ALG13: variants seen among roughly 807,000 people sequenced by gnomAD.
ALG13 encodes UDP-N-acetylglucosamine transferase subunit ALG13.
Under a neutral mutation model 87.8 loss-of-function variants are expected in ALG13, and 11 were observed. The ratio of observed to expected loss-of-function variants is 0.13; its 90% CI spans 0.08 to 0.21. The LOEUF (loss-of-function observed/expected upper bound fraction) is 0.21, where lower values mean the gene tolerates loss of function less well. ALG13 is among the 10% of genes least tolerant of loss of function. ALG13 has a pLI of 1.00. For synonymous variants in ALG13, 320 were observed against 306.3 expected (o/e 1.04, Z -0.47); for missense variants, 756 against 866.1 (o/e 0.87, Z 1.60).
rs772174731 is a variant in ALG13 at position 111,753,046 on chromosome X, A to G, written c.2973+216A>G. 525 of 344,555 alleles carry G rather than the reference A, an allele frequency of 1.5e-3. 1 individual carries two copies. The highest frequency in any genetic ancestry group is 2.2e-3 in the Non-Finnish European group (446 of 199,768). 28.4% of individuals were successfully genotyped at this position (344,555 alleles called of 1,213,427 possible). A position where few individuals can be genotyped will look rare whatever the true frequency, so the allele number is the denominator to read the frequency against. ...ATAAAATAGTCGTTAAACTGAAGAG[A>G]GGGGTACTGGGCTGTAAGCAGCACA... On this transcript the variant is annotated intron_variant, in intron 25 of 26. Transcript: ENST00000394780.
chrX:111,759,586 G>T, intron 26 of ALG13, 148 bp from the exon 27 acceptor site: 2 of 451,493 alleles, frequency 4.4e-6, no homozygotes, highest in Non-Finnish European at 7.3e-6. Flanking sequence ...CTCATTATTT[G>T]TATTTAAAGT....
At chrX:111,698,869 A>G (rs749440568) in intron 3 of ALG13, among the ~76,000 whole-genome samples, 3 of 111,545 alleles carry the variant, frequency 2.7e-5, no homozygotes, top group Non-Finnish European at 3.8e-5. Context: ...TCCTTTGGAT[A>G]TATACCCAGA....
At chrX:111,751,087 T>G (rs993473898) in intron 24 of ALG13, among the ~76,000 whole-genome samples, 4 of 92,259 alleles carry the variant, frequency 4.3e-5, no homozygotes, top group Non-Finnish European at 8.0e-5. Flanking sequence ...TTTTTTTTTT[T>G]GCAACGGAGT....
intron 3 of ALG13, 144 bp downstream of exon 3, chrX:111,685,247 C>A: frequency 1.5e-6 from 1 of 649,448 alleles, no homozygotes; most frequent in Non-Finnish European, 2.3e-6. Flanking sequence ...GCTGTAAAAT[C>A]CTCCCATTTG....
Position 111,727,379 on chromosome X carries a change from T to G in ALG13, c.2024T>G (p.Val675Gly), listed in dbSNP as rs2148225523. The G allele has an allele frequency of 8.3e-7, 1 of 1,210,669 alleles. No individual in the cohort carries two copies. Among genetic ancestry groups the G allele is most frequent in the Non-Finnish European group, 1.1e-6 (1 of 894,897 alleles). The change falls in exon 17 of 27, where the codon GTT becomes GGT. Residue 675 changes from valine to glycine, a missense_variant. Val to Gly is a moderately radical substitution (Grantham distance 109, BLOSUM62 -3). Coordinates refer to ENST00000394780, the MANE Select transcript of ALG13 (RefSeq NM_001099922.3). ...INRHNMPGPKVDFYPGPGKRC... is the reference protein window; with the variant it reads ...INRHNMPGPKGDFYPGPGKRC... ...AGGCACAACATGCCGGGCCCTAAAGTTGATTTTTACCCAGGCCCAGGTAAA... is the reference window on the plus strand; with the variant it reads ...AGGCACAACATGCCGGGCCCTAAAGGTGATTTTTACCCAGGCCCAGGTAAA...
intron 25 of ALG13, among the ~76,000 whole-genome samples, chrX:111,755,733 G>C (rs998178038): frequency 3.6e-5 from 4 of 112,576 alleles, no homozygotes; most frequent in Middle Eastern, 9.2e-3. Context: ...TCTCATGCCA[G>C]TTAGAATGGC....
chrX:111,756,620 A>G (rs1179296214), intron 25 of ALG13, among the ~76,000 whole-genome samples: 1 of 111,281 alleles, frequency 9.0e-6, no homozygotes, highest in Non-Finnish European at 1.9e-5. Flanking sequence ...ACTTGACTTA[A>G]AATGTAACAA....
Position 111,725,079 on chromosome X carries a change from T to G in ALG13, c.1729+18T>G. On this transcript the variant is annotated intron_variant, in intron 15 of 26. Transcript: ENST00000394780. The stretch of plus-strand genomic sequence containing the variant: ...GGAAATAGGTTTGTATGCTAAAGGT[T>G]GTTATTTTGTTTTTCCCTTCCTGTA... The G allele has an allele frequency of 8.3e-7, 1 of 1,206,323 alleles. No individual in the cohort carries two copies. Among genetic ancestry groups the G allele is most frequent in the Non-Finnish European group, 1.1e-6 (1 of 893,003 alleles).
rs1556509952 is a variant in ALG13 at position 111,728,315 on chromosome X, T to G, written c.2368+10T>G. On this transcript the variant is annotated intron_variant, in intron 19 of 26. Transcript: ENST00000394780. ...GGCCAGAGTGAAAATGGTGAGTCAA[T>G]TACAGTTAAATATTTTTTAAAAGAT... 8.3e-7 allele frequency: 1 copy of G among 1,208,135 alleles called. No individual in the cohort carries two copies. The highest frequency in any genetic ancestry group is 2.2e-5 in the Admixed American group (1 of 45,617).
intron 8 of ALG13, among the ~76,000 whole-genome samples, chrX:111,714,740 A>G (rs1474568169): frequency 2.7e-5 from 3 of 111,692 alleles, no homozygotes; most frequent in Non-Finnish European, 5.6e-5. Context: ...CTTATCACAT[A>G]TCTATTCCTC....
intron 8 of ALG13, among the ~76,000 whole-genome samples, chrX:111,714,759 C>G (rs1940319429): frequency 9.0e-6 from 1 of 111,519 alleles, no homozygotes; most frequent in African/African-American, 3.3e-5. Context: ...TCGATCCATT[C>G]ATCTGTCCAT....
intron 3 of ALG13, among the ~76,000 whole-genome samples, chrX:111,705,374 A>G (rs1938550692): frequency 2.7e-5 from 3 of 111,364 alleles, no homozygotes; most frequent in African/African-American, 9.8e-5. Flanking sequence ...TTTTGGTACA[A>G]AGTTTTTCTG....
At chrX:111,686,497 T>C (rs1934964409) in intron 3 of ALG13, among the ~76,000 whole-genome samples, 1 of 111,731 alleles carries the variant, frequency 9.0e-6, no homozygotes. Flanking sequence ...TGTTCTTAAC[T>C]GAGAGGAGGC....
chrX:111,754,676 T>C (rs1255634280), intron 25 of ALG13, among the ~76,000 whole-genome samples: 1 of 111,500 alleles, frequency 9.0e-6, no homozygotes, highest in Non-Finnish European at 1.9e-5. Flanking sequence ...CATTCACAAT[T>C]GCTACAAAGA....
chrX:111,712,735 A>G (rs1178604883), intron 7 of ALG13, among the ~76,000 whole-genome samples: 1 of 112,103 alleles, frequency 8.9e-6, no homozygotes, highest in African/African-American at 3.2e-5. Flanking sequence ...ATTATATAAA[A>G]TTCAGATTTC....
At chrX:111,712,091 T>C (rs1360656307) in intron 6 of ALG13, among the ~76,000 whole-genome samples, 3 of 112,359 alleles carry the variant, frequency 2.7e-5, no homozygotes, top group South Asian at 3.7e-4. Context: ...CTTCCTCTTA[T>C]GTGGGAGTAA....
intron 3 of ALG13, among the ~76,000 whole-genome samples, chrX:111,693,498 G>T (rs1936505893): frequency 9.2e-6 from 1 of 109,239 alleles, no homozygotes; most frequent in Admixed American, 9.8e-5. Context: ...CACCCACCTC[G>T]GCCTCCTAAA....
At chrX:111,743,092 A>AT in intron 23 of ALG13, among the ~76,000 whole-genome samples, 1 of 111,863 alleles carries the variant, frequency 8.9e-6, no homozygotes, top group Non-Finnish European at 1.9e-5. Context: ...TCTACTCTTG[A>AT]TTCTTTCAGG....
At chrX:111,688,585 A>G in intron 3 of ALG13, 3 of 749,854 alleles carry the variant, frequency 4.0e-6, no homozygotes, top group Non-Finnish European at 4.7e-6. Context: ...TCTAAAACAT[A>G]CAAAGTGATA....
Sources: allele counts gnomAD v4.1 joint callset (sites outside exome capture counted in the v4.1 genomes callset), GRCh38; gene constraint gnomAD v4.1.1; transcripts MANE v1.5; gene names NCBI Gene and HGNC (gene_info 2026-07-23, HGNC 2026-07-21).